The following SLC2A9 variants were observed in gnomAD, a reference collection of about 807,000 sequenced individuals.
The protein encoded by SLC2A9 is solute carrier family 2 member 9.
Under a neutral mutation model 50.6 loss-of-function variants are expected in SLC2A9, and 39 were observed. The observed-to-expected ratio is 0.77, with a 90% CI of 0.60 to 1.01. The LOEUF (loss-of-function observed/expected upper bound fraction) is 1.01. Among genes scored for constraint, SLC2A9 ranks in the 50% least tolerant of loss-of-function variants. SLC2A9 has a pLI of 0.00. For missense variants in SLC2A9, 686 were observed against 677.6 expected (o/e 1.01, Z -0.14); for synonymous variants, 324 against 276.9 (o/e 1.17, Z -1.69).
At chr4:9,976,416 T>G (rs1754811991) in intron 5 of SLC2A9, among the ~76,000 whole-genome samples, 2 of 152,174 alleles carry the variant, frequency 1.3e-5, no homozygotes. Flanking sequence ...ATGATTAAAA[T>G]AGTGAAAATG....
intron 8 of SLC2A9, among the ~76,000 whole-genome samples, chr4:9,903,456 G>A (rs1740041034): frequency 6.6e-6 from 1 of 152,084 alleles, no homozygotes; most frequent in African/African-American, 2.4e-5. Flanking sequence ...CTCACTGGAA[G>A]TTCACTCATC....
chr4:9,896,789 T>C (rs1373831122), intron 8 of SLC2A9, among the ~76,000 whole-genome samples: 2 of 152,244 alleles, frequency 1.3e-5, no homozygotes, highest in Non-Finnish European at 1.5e-5. Flanking sequence ...TTTTTCCATG[T>C]GGATATCTAC....
chr4:9,877,195 G>A (rs1734446012), intron 10 of SLC2A9, among the ~76,000 whole-genome samples: 1 of 152,194 alleles, frequency 6.6e-6, no homozygotes, highest in Admixed American at 6.5e-5. Flanking sequence ...CAAGGCCACG[G>A]ATAGGGTTCT....
intron 8 of SLC2A9, among the ~76,000 whole-genome samples, chr4:9,903,769 G>GTA (rs1250674574): frequency 6.7e-6 from 1 of 148,662 alleles, no homozygotes; most frequent in Non-Finnish European, 1.5e-5. Context: ...ATATGTAACT[G>GTA]TATATATATA....
chr4:9,796,205 T>C (rs957549454), downstream of SLC2A9, among the ~76,000 whole-genome samples: 3 of 152,120 alleles, frequency 2.0e-5, no homozygotes, highest in African/African-American at 7.2e-5. Flanking sequence ...AAGACGTCAA[T>C]TTCTGTGTCT....
At chr4:9,781,436 G>A (rs183047359) in intron 3 of SLC2A9, among the ~76,000 whole-genome samples, 99 of 152,124 alleles carry the variant, frequency 6.5e-4, no homozygotes, top group East Asian at 4.8e-3. Flanking sequence ...CGGTTTTCCC[G>A]GGGAGAATTT....
At chr4:9,974,481 G>C (rs35908990) in intron 5 of SLC2A9, among the ~76,000 whole-genome samples, 14 of 149,984 alleles carry the variant, frequency 9.3e-5, no homozygotes, top group Non-Finnish European at 2.1e-4. Context: ...TTCAAGCTGA[G>C]AGCCAAAGCA....
At chr4:9,860,863 C>T (rs910610023) in intron 10 of SLC2A9, among the ~76,000 whole-genome samples, 4 of 152,222 alleles carry the variant, frequency 2.6e-5, no homozygotes, top group Admixed American at 1.3e-4. Context: ...GAATGACACA[C>T]GGGGCCTTTG....
At chr4:10,029,165 T>C (rs1763848090) in intron 1 of SLC2A9, 1 of 152,236 alleles carries the variant, frequency 6.6e-6, no homozygotes. Context: ...CCTTGACCTT[T>C]GTAAGATGAG....
At chr4:9,902,373 C>G (rs1252659494) in intron 8 of SLC2A9, among the ~76,000 whole-genome samples, 1 of 152,190 alleles carries the variant, frequency 6.6e-6, no homozygotes. Context: ...GAAGAAGCAT[C>G]CTGGCCTTGG....
intron 1 of SLC2A9, among the ~76,000 whole-genome samples, chr4:10,020,983 G>A (rs1219437062): frequency 6.6e-6 from 1 of 152,224 alleles, no homozygotes. Context: ...GGGAGGGTGA[G>A]AAGAGGGACA....
chr4:9,847,504 G>T (rs141600740), intron 10 of SLC2A9, among the ~76,000 whole-genome samples: 1 of 152,200 alleles, frequency 6.6e-6, no homozygotes, highest in Non-Finnish European at 1.5e-5. Context: ...ATTGGCAAAG[G>T]CCCAATCAAT....
chr4:10,025,187 C>T (rs1373199602), upstream of SLC2A9, among the ~76,000 whole-genome samples: 1 of 152,188 alleles, frequency 6.6e-6, no homozygotes, highest in Non-Finnish European at 1.5e-5. Flanking sequence ...CCTGGAGTCA[C>T]AGTAGCTTCC....
chr4:9,819,460 C>A (rs1021808503), intron 3 of SLC2A9, among the ~76,000 whole-genome samples: 7 of 152,164 alleles, frequency 4.6e-5, no homozygotes, highest in African/African-American at 1.7e-4. Flanking sequence ...TGCTTATTTG[C>A]CATTTGTATA....
At chr4:9,805,667 G>C (rs1408052724) in intron 3 of SLC2A9, among the ~76,000 whole-genome samples, 1 of 146,884 alleles carries the variant, frequency 6.8e-6, no homozygotes, top group Non-Finnish European at 1.5e-5. Context: ...CTGCACTTCA[G>C]CCTGCGCAGC....
At chr4:9,839,323 C>G (rs1727624827) in intron 10 of SLC2A9, among the ~76,000 whole-genome samples, 1 of 151,846 alleles carries the variant, frequency 6.6e-6, no homozygotes, top group South Asian at 2.1e-4. Flanking sequence ...TTACTAAAAA[C>G]TAAAAAAATA....
At chr4:9,921,565 CTCT>C (rs1743968195) in intron 6 of SLC2A9, among the ~76,000 whole-genome samples, 1 of 152,368 alleles carries the variant, frequency 6.6e-6, no homozygotes, top group African/African-American at 2.4e-5. Flanking sequence ...TGTGAAAATG[CTCT>C]TCTTAAGCAA....
intron 2 of SLC2A9, among the ~76,000 whole-genome samples, chr4:10,017,085 G>T (rs1484392244): frequency 6.6e-6 from 1 of 152,156 alleles, no homozygotes; most frequent in Non-Finnish European, 1.5e-5. Context: ...CATCCCTCAT[G>T]ACTCAGCTCA....
intron 5 of SLC2A9, among the ~76,000 whole-genome samples, chr4:9,945,378 CA>C (rs1330125009): frequency 6.6e-6 from 1 of 152,232 alleles, no homozygotes. Context: ...CACAGGCCTG[CA>C]CACACTGTAG....
Sources: allele counts gnomAD v4.1 joint callset (sites outside exome capture counted in the v4.1 genomes callset), GRCh38; gene constraint gnomAD v4.1.1; transcripts MANE v1.5; gene names NCBI Gene and HGNC (gene_info 2026-07-23, HGNC 2026-07-21).